SEC63: variants seen among roughly 807,000 people sequenced by gnomAD.
SEC63 encodes the protein translocation protein SEC63 homolog.
Under a neutral mutation model 116.2 loss-of-function variants are expected in SEC63, and 56 were observed. The observed-to-expected ratio is 0.48, with a 90% CI of 0.39 to 0.60. The LOEUF (loss-of-function observed/expected upper bound fraction) is 0.60. SEC63 is among the 20% of genes least tolerant of loss of function. The probability of loss-of-function intolerance (pLI) is 0.00; values close to 1 mark genes in which losing one functional copy is unlikely to be tolerated. For missense variants in SEC63, 668 were observed against 900.0 expected (o/e 0.74, Z 3.30); for synonymous variants, 273 against 294.6 (o/e 0.93, Z 0.75).
chr6:107,911,257 T>C, intron 7 of SEC63, 89 bp downstream of exon 7: 1 of 888,020 alleles, frequency 1.1e-6, no homozygotes, highest in Non-Finnish European at 1.9e-6. Context: ...GGTTATATTC[T>C]AACATACATT....
chr6:107,942,032 T>A (rs779090194), intron 1 of SEC63, among the ~76,000 whole-genome samples: 1 of 152,248 alleles, frequency 6.6e-6, no homozygotes, highest in East Asian at 1.9e-4. Context: ...CGTGTTTAGA[T>A]CATTATAAAC....
chr6:107,903,120 TA>T, intron 11 of SEC63, 122 bp from the exon 12 acceptor site: 1 of 999,202 alleles, frequency 1.0e-6, no homozygotes. Context: ...AGGATCATAG[TA>T]AGATTTTCCT....
chr6:107,886,897 ATCTG>A (rs1734436380), intron 16 of SEC63, among the ~76,000 whole-genome samples: 2 of 142,338 alleles, frequency 1.4e-5, no homozygotes, highest in South Asian at 4.3e-4. Flanking sequence ...ATCAGATCCC[ATCTG>A]TCTATTTTGG....
At chr6:107,928,004 G>A (rs573406755) in intron 2 of SEC63, among the ~76,000 whole-genome samples, 1 of 152,140 alleles carries the variant, frequency 6.6e-6, no homozygotes, top group Non-Finnish European at 1.5e-5. Context: ...GCAGATATGG[G>A]GGGGAGGGGC....
intron 16 of SEC63, 159 bp from the exon 17 acceptor site, chr6:107,883,305 T>C: frequency 1.3e-6 from 1 of 796,786 alleles, no homozygotes; most frequent in Non-Finnish European, 2.0e-6. Context: ...TTCCTACTTA[T>C]AAAGATGTGG....
chr6:107,897,137 C>T (rs1208856253), intron 14 of SEC63, among the ~76,000 whole-genome samples: 1 of 152,070 alleles, frequency 6.6e-6, no homozygotes, highest in African/African-American at 2.4e-5. Context: ...CAGGGATGAG[C>T]CTCAAAACGA....
At chr6:107,911,622 A>G (rs1303576464) in intron 6 of SEC63, among the ~76,000 whole-genome samples, 2 of 152,218 alleles carry the variant, frequency 1.3e-5, no homozygotes, top group African/African-American at 4.8e-5. Context: ...TTGTCCTAGG[A>G]CACAGCTAGC....
intron 14 of SEC63, among the ~76,000 whole-genome samples, chr6:107,895,210 A>C (rs905787855): frequency 2.0e-5 from 3 of 152,178 alleles, no homozygotes; most frequent in Admixed American, 6.5e-5. Context: ...CAATAGTTCA[A>C]GACCAAATTT....
Position 107,869,380 on chromosome 6 carries a change from A to G in SEC63, c.*2324T>C, listed in dbSNP as rs1213708639. The G allele has an allele frequency of 3.3e-5, 5 of 152,220 alleles. No individual in the cohort carries two copies. The highest frequency in any genetic ancestry group is 1.2e-4 in the African/African-American group (5 of 41,456). The allele number at this position is 152,220 out of a possible 1,614,324, so 9.4% of individuals were successfully genotyped here. A position where few individuals can be genotyped will look rare whatever the true frequency, so the allele number is the denominator to read the frequency against. ...ACAGCTGTATTTTAATAGGTACTTT[A>G]CCAATTAGAGAAAAATATCACATAA... is the stretch of plus-strand genomic sequence containing the variant. On this transcript the variant is annotated 3_prime_UTR_variant, in exon 21 of 21. Transcript: ENST00000369002.
intron 1 of SEC63, among the ~76,000 whole-genome samples, chr6:107,939,957 C>T (rs1770339144): frequency 6.6e-6 from 1 of 152,064 alleles, no homozygotes; most frequent in South Asian, 2.1e-4. Context: ...GAATAGTTAG[C>T]CATATGTCTC....
chr6:107,926,867 C>A (rs918670606), intron 2 of SEC63, among the ~76,000 whole-genome samples: 2 of 152,178 alleles, frequency 1.3e-5, no homozygotes, highest in African/African-American at 4.8e-5. Context: ...AAGCTCATAA[C>A]AGAATCCAAA....
At chr6:107,922,154 T>C (rs1787572912) in intron 3 of SEC63, among the ~76,000 whole-genome samples, 1 of 152,214 alleles carries the variant, frequency 6.6e-6, no homozygotes, top group Non-Finnish European at 1.5e-5. Context: ...CATAGTAAAC[T>C]AAGCACTGAT....
At chr6:107,921,650 G>T (rs936275569) in intron 4 of SEC63, 147 bp downstream of exon 4, 1 of 682,020 alleles carries the variant, frequency 1.5e-6, no homozygotes. Flanking sequence ...TGGGGTCTTG[G>T]TATGTTGCCA....
intron 1 of SEC63, among the ~76,000 whole-genome samples, chr6:107,948,983 C>A (rs1214189831): frequency 6.6e-6 from 1 of 152,116 alleles, no homozygotes; most frequent in Non-Finnish European, 1.5e-5. Context: ...TGTGGTTCGC[C>A]CCATGTTCAC....
intron 12 of SEC63, 47 bp downstream of exon 12, chr6:107,902,797 G>A (rs1350318744): frequency 6.4e-7 from 1 of 1,570,714 alleles, no homozygotes; most frequent in South Asian, 1.1e-5. Flanking sequence ...ACCTTTAAGT[G>A]ACAGGACAAA....
chr6:107,932,929 CA>C (rs796308666), intron 1 of SEC63, among the ~76,000 whole-genome samples: 7 of 152,036 alleles, frequency 4.6e-5, no homozygotes, highest in African/African-American at 1.7e-4. Context: ...AACTGTCCCC[CA>C]AGATGTCCAC....
chr6:107,935,731 T>C (rs1018742913), intron 1 of SEC63, among the ~76,000 whole-genome samples: 5 of 151,136 alleles, frequency 3.3e-5, no homozygotes, highest in Admixed American at 2.6e-4. Flanking sequence ...CCCTCCACTA[T>C]TGTCCTATGA....
At chr6:107,921,485 A>G (rs1223717101) in intron 4 of SEC63, among the ~76,000 whole-genome samples, 2 of 150,854 alleles carry the variant, frequency 1.3e-5, no homozygotes, top group Non-Finnish European at 2.9e-5. Context: ...ATGGAGTATT[A>G]CTGTCATCGA....
At chr6:107,933,323 T>C (rs775398804) in intron 1 of SEC63, among the ~76,000 whole-genome samples, 5 of 152,266 alleles carry the variant, frequency 3.3e-5, no homozygotes, top group South Asian at 2.1e-4. Flanking sequence ...GAGAACAAAT[T>C]TGTGCTGTTT....
Sources: gnomAD v4.1 joint callset for allele counts (sites outside exome capture counted in the v4.1 genomes callset) on GRCh38, gnomAD v4.1.1 for gene constraint, MANE v1.5 for transcripts, NCBI Gene and HGNC (gene_info 2026-07-23, HGNC 2026-07-21) for gene names.